The following SLC25A48 variants were observed in gnomAD, a reference collection of about 807,000 sequenced individuals.
The protein encoded by SLC25A48 is solute carrier family 25 member 48, also known as CTC-321K16.1.
A neutral mutation model predicts 32.2 loss-of-function variants in SLC25A48; 29 were observed. The ratio of observed to expected loss-of-function variants is 0.90; its 90% confidence interval spans 0.67 to 1.23. The LOEUF (loss-of-function observed/expected upper bound fraction) is 1.23. SLC25A48 is among the 50% of genes most tolerant of loss of function. The probability of loss-of-function intolerance (pLI) is 0.00; values close to 1 mark genes in which losing one functional copy is unlikely to be tolerated. For missense variants in SLC25A48, 399 were observed against 422.7 expected, an observed-to-expected ratio of 0.94 and a Z score of 0.49; for synonymous variants, 164 against 172.3, an observed-to-expected ratio of 0.95 and a Z score of 0.38.
At chr5:135,828,353 C>T (rs1758119373) in intron 4 of SLC25A48, among the ~76,000 whole-genome samples, 1 of 152,204 alleles carries the variant, frequency 6.6e-6, no homozygotes, top group Admixed American at 6.5e-5. Context: ...AGTCATGGTG[C>T]AGAGTACTTG....
intron 3 of SLC25A48, among the ~76,000 whole-genome samples, chr5:135,660,484 AAGC>A (rs1264257204): frequency 8.5e-5 from 13 of 152,210 alleles, no homozygotes; most frequent in African/African-American, 3.1e-4. Flanking sequence ...ATGGATAAAG[AAGC>A]TGTTCTCCAT....
intron 3 of SLC25A48, among the ~76,000 whole-genome samples, chr5:135,667,494 C>G (rs753084653): frequency 2.6e-5 from 4 of 152,158 alleles, no homozygotes; most frequent in Non-Finnish European, 4.4e-5. Context: ...GCTGCGTCCA[C>G]CAATAATAAT....
Position 135,594,342 on chromosome 5 carries a change from C to T in SLC25A48, c.-849+14745C>T, listed in dbSNP as rs991406135. On this transcript the variant is annotated intron_variant, in intron 1 of 10. Coordinates refer to the SLC25A48 transcript ENST00000646290. The stretch of plus-strand genomic sequence containing the variant: ...AGAGGCTTGGTGAAACCTGACACAT[C>T]CCTGACCCCCAAGTCCCATTACAAC... Among the ~76,000 whole-genome samples the T allele has an allele frequency of 2.6e-5, 4 of 152,330 alleles. No individual in the cohort carries two copies. The South Asian group carries it at 8.3e-4, about 32-fold the overall frequency.
At chr5:135,641,861 C>T (rs1392904658) in intron 3 of SLC25A48, among the ~76,000 whole-genome samples, 1 of 152,210 alleles carries the variant, frequency 6.6e-6, no homozygotes, top group Non-Finnish European at 1.5e-5. Flanking sequence ...TCGCAGAGTG[C>T]TCACTTGGAC....
chr5:135,736,069 C>T (rs1755353157), intron 3 of SLC25A48, among the ~76,000 whole-genome samples: 1 of 151,886 alleles, frequency 6.6e-6, no homozygotes, highest in Admixed American at 6.6e-5. Context: ...GATGAGCAGC[C>T]TGGGGAGGAG....
chr5:135,592,553 G>A (rs1751552725), intron 1 of SLC25A48, among the ~76,000 whole-genome samples: 1 of 152,168 alleles, frequency 6.6e-6, no homozygotes, highest in African/African-American at 2.4e-5. Context: ...TGAGGAAATA[G>A]CTCATGAAAG....
At chr5:135,721,672 G>C (rs189823389) in intron 3 of SLC25A48, among the ~76,000 whole-genome samples, 1 of 150,254 alleles carries the variant, frequency 6.7e-6, no homozygotes, top group East Asian at 2.0e-4. Context: ...AAAAGCAAGC[G>C]TAAGAGCTGG....
chr5:135,864,429 G>C (rs1761037178), intron 4 of SLC25A48, among the ~76,000 whole-genome samples: 1 of 152,022 alleles, frequency 6.6e-6, no homozygotes. Flanking sequence ...TTGATGTTAA[G>C]ATCCCTGAAG....
chr5:135,671,553 G>A lies in SLC25A48; in HGVS notation c.-521+36597G>A, dbSNP rs577928941. 3 of 152,290 alleles carry A rather than the reference G, an allele frequency of 2.0e-5. No homozygotes were observed. In the South Asian group the frequency reaches 6.2e-4, roughly 32 times the overall value. The allele number at this position is 152,290 out of a possible 1,614,324, so 9.4% of individuals were successfully genotyped here. On this transcript the variant is annotated intron_variant, in intron 3 of 10. Coordinates refer to the SLC25A48 transcript ENST00000646290. ...ATATCCCAGCTGGCTGATGTTGAGG[G>A]CAGGCCTGTCAACCAGCCGAGGGTC...
intron 4 of SLC25A48, among the ~76,000 whole-genome samples, chr5:135,867,826 A>G (rs2126792679): frequency 6.6e-6 from 1 of 152,330 alleles, no homozygotes; most frequent in Non-Finnish European, 1.5e-5. Context: ...TGGACCCAAT[A>G]TGAATCATCC....
intron 3 of SLC25A48, among the ~76,000 whole-genome samples, chr5:135,799,061 A>C (rs979271871): frequency 2.6e-5 from 4 of 151,802 alleles, no homozygotes; most frequent in Non-Finnish European, 5.9e-5. Flanking sequence ...TATTACTCCC[A>C]ATATCGCAAA....
At chr5:135,651,201 C>A (rs2126925485) in intron 3 of SLC25A48, among the ~76,000 whole-genome samples, 1 of 152,280 alleles carries the variant, frequency 6.6e-6, no homozygotes. Flanking sequence ...GTAGTTTCTG[C>A]TGTGCTAGGC....
intron 3 of SLC25A48, among the ~76,000 whole-genome samples, chr5:135,686,583 G>A (rs1037921554): frequency 6.6e-6 from 1 of 152,208 alleles, no homozygotes; most frequent in Non-Finnish European, 1.5e-5. Context: ...CTGTGAACCT[G>A]TCTCCGCAGA....
chr5:135,607,252 A>G (rs559740228), intron 1 of SLC25A48, among the ~76,000 whole-genome samples: 1 of 152,196 alleles, frequency 6.6e-6, no homozygotes, highest in Non-Finnish European at 1.5e-5. Context: ...AATAGCAAAA[A>G]TAGTGGACAT....
At chr5:135,761,184 G>A (rs116748976) in intron 3 of SLC25A48, among the ~76,000 whole-genome samples, 2,391 of 152,062 alleles carry the variant, frequency 0.016, 46 homozygotes, top group African/African-American at 0.044. Context: ...GCATGGTGGC[G>A]CACCTGTAGT....
intron 3 of SLC25A48, among the ~76,000 whole-genome samples, chr5:135,700,396 A>G (rs1468928976): frequency 1.0e-4 from 15 of 150,152 alleles, no homozygotes; most frequent in Non-Finnish European, 1.6e-4. Context: ...AAAAAAAAGA[A>G]AGAAAGAAAA....
chr5:135,739,103 G>A (rs1385833502), intron 3 of SLC25A48, among the ~76,000 whole-genome samples: 1 of 151,718 alleles, frequency 6.6e-6, no homozygotes, highest in Admixed American at 6.6e-5. Context: ...AAACAAACAA[G>A]TTTAATTTAT....
At chr5:135,625,896 T>G (rs1752431022) in intron 1 of SLC25A48, among the ~76,000 whole-genome samples, 1 of 152,132 alleles carries the variant, frequency 6.6e-6, no homozygotes, top group Non-Finnish European at 1.5e-5. Flanking sequence ...ATTCTGGGAA[T>G]GCAGCCAGTT....
intron 1 of SLC25A48, among the ~76,000 whole-genome samples, chr5:135,626,017 C>T (rs1752433242): frequency 6.6e-6 from 1 of 152,192 alleles, no homozygotes; most frequent in African/African-American, 2.4e-5. Flanking sequence ...CTGTGCTCTC[C>T]AAAAGTCAAC....
Sources: allele counts gnomAD v4.1 joint callset (sites outside exome capture counted in the v4.1 genomes callset), GRCh38; gene constraint gnomAD v4.1.1; transcripts MANE v1.5; gene names NCBI Gene and HGNC (gene_info 2026-07-23, HGNC 2026-07-21).